ZMYM5: variants seen among roughly 807,000 people sequenced by gnomAD.
The protein encoded by ZMYM5 is zinc finger MYM-type containing 5, also known as zinc finger MYM-type protein 5.
A neutral mutation model predicts 61.8 loss-of-function variants in ZMYM5; 41 were observed. The ratio of observed to expected loss-of-function variants is 0.66; its 90% confidence interval spans 0.52 to 0.86. The LOEUF is 0.86. Ranked by LOEUF, ZMYM5 falls within the 40% of genes least tolerant of loss-of-function variation. ZMYM5 has a pLI of 0.00. For missense variants in ZMYM5, 706 were observed against 786.7 expected (o/e 0.90, Z 1.23); for synonymous variants, 257 against 276.4 (o/e 0.93, Z 0.70).
intron 2 of ZMYM5, among the ~76,000 whole-genome samples, chr13:19,861,745 A>C (rs1211700066): frequency 6.6e-6 from 1 of 152,170 alleles, no homozygotes; most frequent in Non-Finnish European, 1.5e-5. Context: ...CTCCTAATGA[A>C]ATTATTCACA....
At chr13:19,825,523 T>C (rs1035173112) in intron 7 of ZMYM5, among the ~76,000 whole-genome samples, 2 of 152,018 alleles carry the variant, frequency 1.3e-5, no homozygotes, top group African/African-American at 4.8e-5. Flanking sequence ...GGCATGCGCC[T>C]GTAATCCCAG....
intron 4 of ZMYM5, among the ~76,000 whole-genome samples, chr13:19,840,776 A>C (rs1163873364): frequency 6.6e-6 from 1 of 151,756 alleles, no homozygotes; most frequent in Non-Finnish European, 1.5e-5. Context: ...TCCTGGGTTC[A>C]TGCCATTCTC....
At chr13:19,860,568 A>G (rs958169914) in intron 2 of ZMYM5, among the ~76,000 whole-genome samples, 2 of 150,936 alleles carry the variant, frequency 1.3e-5, no homozygotes, top group Admixed American at 1.3e-4. Flanking sequence ...CTCCCAAAGT[A>G]CTGAGATTCC....
chr13:19,842,543 T>C (rs1952913584), intron 4 of ZMYM5, among the ~76,000 whole-genome samples: 1 of 150,816 alleles, frequency 6.6e-6, no homozygotes, highest in African/African-American at 2.4e-5. Flanking sequence ...TTAAGGTTAA[T>C]ACTAAAAACG....
rs113855637 is a variant in ZMYM5 at position 19,838,783 on chromosome 13, T to C, written c.789A>G (p.Ser263=). The change falls in exon 5 of 8, where the codon TCA becomes TCG. Residue 263 remains serine (S), a synonymous_variant. Coordinates refer to ENST00000337963, the MANE Select transcript of ZMYM5 (RefSeq NM_001142684.2). The part of the protein sequence containing the change: ...KGQTAYQRKG[S]AHLFCSTTCL... ...AGGTGGTAGAGCAAAAGAGGTGAGC[T>C]GATCCTTTTCGTTGATAAGCTGTCT... The C allele has an allele frequency of 6.2e-7, 1 of 1,614,226 alleles. No homozygotes were observed. Among genetic ancestry groups the C allele is most frequent in the South Asian group, 1.1e-5 (1 of 91,088 alleles).
At position 19,824,699 on chromosome 13, in the gene ZMYM5, A is replaced by T. The variant is rs199614339; in HGVS notation, c.1788T>A (p.Phe596Leu). The T allele has an allele frequency of 1.7e-4, 233 of 1,351,748 alleles. No homozygotes were observed. Among genetic ancestry groups the T allele is most frequent in the Non-Finnish European group, 2.2e-4 (225 of 1,015,156 alleles). The allele number at this position is 1,351,748 out of a possible 1,614,324, so 83.7% of individuals were successfully genotyped here. The change falls in exon 8 of 8, where the codon TTT (phenylalanine) becomes TTA (leucine). Residue 596 changes from phenylalanine to leucine, a missense_variant. Physicochemically the swap from Phe to Leu is conservative, Grantham distance 22. Coordinates refer to ENST00000337963, the MANE Select transcript of ZMYM5 (RefSeq NM_001142684.2). Reference sequence around the variant, plus strand: ...TTTTCAGTTGATTTTTTCCTTCCCCAAAGAGTTTGCAATATAGACAAAACA... The same window carrying T: ...TTTTCAGTTGATTTTTTCCTTCCCCTAAGAGTTTGCAATATAGACAAAACA... ...DSVFCLYCKLFGEGKNQLKNE... is the reference protein window; with the variant it reads ...DSVFCLYCKLLGEGKNQLKNE...
At chr13:19,848,564 CA>C (rs1953169184) in intron 4 of ZMYM5, among the ~76,000 whole-genome samples, 1 of 150,170 alleles carries the variant, frequency 6.7e-6, no homozygotes, top group Non-Finnish European at 1.5e-5. Context: ...AGACAAGTCT[CA>C]CTTTGTCGCC....
intron 2 of ZMYM5, among the ~76,000 whole-genome samples, chr13:19,860,144 T>C (rs1953678793): frequency 7.1e-6 from 1 of 140,516 alleles, no homozygotes; most frequent in African/African-American, 2.6e-5. Flanking sequence ...AAAAGAATTA[T>C]AGATGGAGTC....
rs527630983 is a variant in ZMYM5, at chr13:19,844,766, T to A, written c.587-5781A>T. 2.0e-5 allele frequency among the ~76,000 whole-genome samples: 3 copies of A among 152,220 alleles called. No homozygotes were observed. The East Asian group carries it at 5.8e-4, about 29-fold the overall frequency. ...TCTCCTGAGCAGCTGGGATTACAGG[T>A]GGCCGTCACCACGCCAAGCAAATTT... On this transcript the variant is annotated intron_variant, in intron 4 of 7. Transcript: ENST00000337963.
chr13:19,851,518 G>C lies in ZMYM5; in HGVS notation c.493-70C>G, dbSNP rs185668133. Reference sequence around the variant, plus strand: ...AATTACTTGACTGAAGTCCTTTAGCGACATCTCCCAAGTTGGTATTCTATA... The same window carrying C: ...AATTACTTGACTGAAGTCCTTTAGCCACATCTCCCAAGTTGGTATTCTATA... On this transcript the variant is annotated intron_variant, in intron 3 of 7. Transcript: ENST00000337963. 12 of 1,574,204 alleles carry C rather than the reference G, an allele frequency of 7.6e-6. No individual in the cohort carries two copies. The Admixed American group carries it at 1.2e-4, about 15-fold the overall frequency.
intron 7 of ZMYM5, among the ~76,000 whole-genome samples, chr13:19,833,334 C>G (rs947769004): frequency 2.6e-5 from 4 of 152,110 alleles, no homozygotes; most frequent in African/African-American, 9.7e-5. Context: ...GAAAAGGGGT[C>G]AAGGCTCATT....
chr13:19,848,991 C>T (rs976817873), intron 4 of ZMYM5, among the ~76,000 whole-genome samples: 8 of 151,714 alleles, frequency 5.3e-5, no homozygotes, highest in Non-Finnish European at 1.2e-4. Flanking sequence ...AGAATAAGTA[C>T]CCTATGGAAA....
intron 2 of ZMYM5, among the ~76,000 whole-genome samples, chr13:19,857,729 A>T (rs539002206): frequency 7.9e-5 from 12 of 152,262 alleles, no homozygotes; most frequent in African/African-American, 2.9e-4. Context: ...ACAAAAAAAT[A>T]AAGGCCAGGT....
intron 2 of ZMYM5, among the ~76,000 whole-genome samples, chr13:19,854,043 C>T (rs544399766): frequency 1.3e-5 from 2 of 152,262 alleles, no homozygotes; most frequent in Non-Finnish European, 2.9e-5. Flanking sequence ...CAGAGTCTCA[C>T]TCTATCGCCA....
rs184010875 is a variant in ZMYM5 at position 19,824,319 on chromosome 13, C to A, written c.*158G>T. The A allele has an allele frequency of 7.8e-4, 325 of 417,728 alleles. 2 individuals carry two copies. Among genetic ancestry groups the A allele is most frequent in the African/African-American group, 6.7e-3 (310 of 46,360 alleles). 25.9% of individuals were successfully genotyped at this position (417,728 alleles called of 1,614,324 possible). On this transcript the variant is annotated 3_prime_UTR_variant, in exon 8 of 8. Coordinates refer to ENST00000337963, the MANE Select transcript of ZMYM5 (RefSeq NM_001142684.2). ...GTTTTAGATTTAGAATGGAAACATT[C>A]TTTGCTATTTATTTGCTATCATACT...
At chr13:19,863,344 G>A (rs897318549) in intron 1 of ZMYM5, 106 bp downstream of exon 1, 4 of 152,024 alleles carry the variant, frequency 2.6e-5, no homozygotes, top group Non-Finnish European at 5.9e-5. Context: ...CTGCCCTCGA[G>A]GCCCCGAAGC....
chr13:19,825,137 A>G lies in ZMYM5; in HGVS notation c.1350T>C (p.Asn450=). The G allele has an allele frequency of 7.4e-7, 1 of 1,352,300 alleles. No individual in the cohort carries two copies. Among genetic ancestry groups the G allele is most frequent in the Non-Finnish European group, 9.9e-7 (1 of 1,014,118 alleles). The allele number at this position is 1,352,300 out of a possible 1,614,324, so 83.8% of individuals were successfully genotyped here. A position where few individuals can be genotyped will look rare whatever the true frequency, so the allele number is the denominator to read the frequency against. Residue 450 remains asparagine, a synonymous_variant, in exon 8 of 8, where the codon AAT becomes AAC. Transcript: ENST00000337963. ...TTCCCTCTATTTTTTTCAAAAGTGTATTTGACGATCCATATAATTGTTTCT... is the reference window on the plus strand; with the variant it reads ...TTCCCTCTATTTTTTTCAAAAGTGTGTTTGACGATCCATATAATTGTTTCT... The part of the protein sequence containing the change: ...ENEKQLYGSS[N]TLLKKIEGIP...
chr13:19,834,854 A>C (rs1205563739), intron 7 of ZMYM5, among the ~76,000 whole-genome samples: 1 of 151,816 alleles, frequency 6.6e-6, no homozygotes, highest in African/African-American at 2.4e-5. Context: ...TCGCCTGGCT[A>C]ATTTTTGTAT....
intron 7 of ZMYM5, among the ~76,000 whole-genome samples, chr13:19,828,429 G>A (rs980878276): frequency 6.6e-6 from 1 of 152,078 alleles, no homozygotes; most frequent in Admixed American, 6.6e-5. Flanking sequence ...AGCTGAGATC[G>A]TGCCATTGCA....
Sources: gnomAD v4.1 joint callset for allele counts (sites outside exome capture counted in the v4.1 genomes callset) on GRCh38, gnomAD v4.1.1 for gene constraint, MANE v1.5 for transcripts, NCBI Gene and HGNC (gene_info 2026-07-23, HGNC 2026-07-21) for gene names.